The following TLN2 variants were observed in gnomAD, a reference collection of about 807,000 sequenced individuals.
TLN2 encodes the protein talin 2.
In TLN2, 118 loss-of-function variants were observed where a neutral mutation model predicts 294.7. The ratio of observed to expected loss-of-function variants is 0.40; its 90% CI spans 0.34 to 0.47. TLN2 has a LOEUF of 0.47. Ranked by LOEUF, TLN2 falls within the 20% of genes least tolerant of loss-of-function variation. The pLI, the probability that TLN2 is intolerant of heterozygous loss-of-function variation, is 0.84. For synonymous variants in TLN2, 1,431 were observed against 1,304.5 expected (o/e 1.10, Z -2.09); for missense variants, 3,083 against 3,282.2 (o/e 0.94, Z 1.48).
rs781390797 is a variant in TLN2 at position 62,819,571 on chromosome 15, G to T, written c.6827G>T (p.Arg2276Leu). The change falls in exon 53 of 59, where the codon CGA becomes CTA. Residue 2276 changes from arginine to leucine, a missense_variant. By Grantham distance (102) the Arg-to-Leu change is moderately radical. Coordinates refer to ENST00000636159, the MANE Select transcript of TLN2 (RefSeq NM_015059.3). ...FKQQLAAFSKRVAGAVTELIQ... is the reference protein window; with the variant it reads ...FKQQLAAFSKLVAGAVTELIQ... ...CAGCAGCTGGCCGCTTTCTCCAAGC[G>T]AGTCGCCGGCGCTGTGACAGAGCTC... 1 of 1,613,558 alleles carries T rather than the reference G, an allele frequency of 6.2e-7. No individual in the cohort carries two copies. Among genetic ancestry groups the T allele is most frequent in the East Asian group, 2.2e-5 (1 of 44,876 alleles).
At chr15:62,595,156 C>G (rs1413976375) in intron 2 of TLN2, among the ~76,000 whole-genome samples, 1 of 152,186 alleles carries the variant, frequency 6.6e-6, no homozygotes, top group East Asian at 1.9e-4. Flanking sequence ...GGTGCGGTGG[C>G]TCACGCCTGT....
chr15:62,564,917 A>ATATATAT (rs1262371986), intron 1 of TLN2, among the ~76,000 whole-genome samples: 16 of 124,704 alleles, frequency 1.3e-4, no homozygotes, highest in African/African-American at 4.3e-4. Flanking sequence ...AAAAAAAAAA[A>ATATATAT]AAAAAAAAAT....
chr15:62,764,215 C>T (rs572588665), intron 40 of TLN2, among the ~76,000 whole-genome samples: 11 of 152,130 alleles, frequency 7.2e-5, no homozygotes, highest in Non-Finnish European at 1.6e-4. Context: ...AGCCACTTTG[C>T]CCTTTCTTGC....
At chr15:62,494,674 A>T (rs1385115279) in intron 1 of TLN2, among the ~76,000 whole-genome samples, 2 of 152,060 alleles carry the variant, frequency 1.3e-5, no homozygotes, top group Admixed American at 1.3e-4. Flanking sequence ...TCATAGGCTT[A>T]TGTCTCTTTC....
At chr15:62,532,959 CAT>C (rs1031491853) in intron 1 of TLN2, among the ~76,000 whole-genome samples, 41 of 152,108 alleles carry the variant, frequency 2.7e-4, no homozygotes, top group African/African-American at 9.6e-4. Flanking sequence ...GGTTGTTAAA[CAT>C]GTGGATTCTA....
chr15:62,408,101 G>T (rs180706118), intron 1 of TLN2, among the ~76,000 whole-genome samples: 1 of 152,148 alleles, frequency 6.6e-6, no homozygotes, highest in East Asian at 1.9e-4. Context: ...TTGTCCCTCC[G>T]TTAGTGGAAA....
intron 14 of TLN2, among the ~76,000 whole-genome samples, chr15:62,696,944 G>C (rs1282296673): frequency 6.6e-6 from 1 of 152,126 alleles, no homozygotes; most frequent in Non-Finnish European, 1.5e-5. Flanking sequence ...TCAAGCTAAA[G>C]ATAAATGATC....
At chr15:62,606,705 A>G (rs377185810) in intron 2 of TLN2, among the ~76,000 whole-genome samples, 5 of 152,208 alleles carry the variant, frequency 3.3e-5, no homozygotes, top group East Asian at 1.9e-4. Flanking sequence ...ACTGGGAACA[A>G]TACTTCAAAT....
In TLN2 at chr15:62,437,775, C is replaced by G. The variant is rs201931919; in HGVS notation, c.-238+47090C>G. Among the ~76,000 whole-genome samples, 116 of 130,208 alleles carry G rather than the reference C, an allele frequency of 8.9e-4. 1 individual carries two copies. The highest frequency in any genetic ancestry group is 2.7e-3 in the East Asian group (13 of 4,766). The allele number at this position is 130,208 out of a possible 152,430, so 85.4% of individuals were successfully genotyped here. Reference sequence around the variant, plus strand: ...GGGGTGTGTGTGTGTGTGTGTGTGTCTGTCTGTCTGTCTGCCAATTGGTGC... The same window carrying G: ...GGGGTGTGTGTGTGTGTGTGTGTGTGTGTCTGTCTGTCTGCCAATTGGTGC... On this transcript the variant is annotated intron_variant, in intron 1 of 58. Coordinates refer to ENST00000636159, the MANE Select transcript of TLN2 (RefSeq NM_015059.3).
intron 1 of TLN2, among the ~76,000 whole-genome samples, chr15:62,460,068 C>T (rs1041145807): frequency 2.0e-5 from 3 of 152,158 alleles, no homozygotes; most frequent in Non-Finnish European, 4.4e-5. Flanking sequence ...TGCCGAGGTG[C>T]TGCATCAGCC....
chr15:62,444,187 A>G (rs2035697557), intron 1 of TLN2, among the ~76,000 whole-genome samples: 1 of 152,170 alleles, frequency 6.6e-6, no homozygotes, highest in Non-Finnish European at 1.5e-5. Context: ...GGAAATATTG[A>G]GGAGGAGGGT....
At chr15:62,734,818 G>T (rs982481999) in intron 28 of TLN2, among the ~76,000 whole-genome samples, 1 of 152,174 alleles carries the variant, frequency 6.6e-6, no homozygotes, top group Non-Finnish European at 1.5e-5. Context: ...AACCCATCTG[G>T]TTTTATGGAT....
chr15:62,745,898 T>C lies in TLN2; in HGVS notation c.4026-2453T>C, dbSNP rs78476590. On this transcript the variant is annotated intron_variant, in intron 32 of 58. Transcript: ENST00000636159. The stretch of plus-strand genomic sequence containing the variant: ...ATTCGTGATAGCTAAATAATGCTTC[T>C]TAGTTCTGGATCAGTATTACCCAAG... 7.6e-3 allele frequency among the ~76,000 whole-genome samples: 1,157 copies of C among 152,358 alleles called. 21 individuals are homozygous for C. Among genetic ancestry groups the C allele is most frequent in the African/African-American group, 0.026 (1,097 of 41,578 alleles).
intron 9 of TLN2, among the ~76,000 whole-genome samples, chr15:62,659,542 G>T (rs1217318053): frequency 6.6e-6 from 1 of 152,194 alleles, no homozygotes; most frequent in African/African-American, 2.4e-5. Context: ...ATTAGGTCCT[G>T]CAGTTTGTGG....
intron 40 of TLN2, among the ~76,000 whole-genome samples, chr15:62,764,334 C>G (rs1229740106): frequency 6.6e-6 from 1 of 152,096 alleles, no homozygotes; most frequent in East Asian, 1.9e-4. Context: ...ACCGAAAGCA[C>G]AATGCTTGAC....
At chr15:62,570,448 G>A (rs117198001) in intron 1 of TLN2, among the ~76,000 whole-genome samples, 247 of 152,350 alleles carry the variant, frequency 1.6e-3, no homozygotes, top group Non-Finnish European at 2.7e-3. Context: ...CCCACATCTG[G>A]TTAAGAAATA....
At chr15:62,455,879 C>T (rs2036449439) in intron 1 of TLN2, among the ~76,000 whole-genome samples, 1 of 152,228 alleles carries the variant, frequency 6.6e-6, no homozygotes, top group Non-Finnish European at 1.5e-5. Flanking sequence ...CACCTGTTCC[C>T]TGTGCCTGAG....
intron 9 of TLN2, among the ~76,000 whole-genome samples, chr15:62,660,936 G>C (rs890306735): frequency 1.3e-5 from 2 of 152,154 alleles, no homozygotes; most frequent in South Asian, 4.1e-4. Flanking sequence ...TTTAAGTGCA[G>C]GATGGTCTAT....
At chr15:62,575,338 A>C (rs889642101) in intron 1 of TLN2, among the ~76,000 whole-genome samples, 1 of 152,198 alleles carries the variant, frequency 6.6e-6, no homozygotes, top group Non-Finnish European at 1.5e-5. Context: ...AACAAACAAA[A>C]AAATTATTTT....
Sources: allele counts gnomAD v4.1 joint callset (sites outside exome capture counted in the v4.1 genomes callset), GRCh38; gene constraint gnomAD v4.1.1; transcripts MANE v1.5; gene names NCBI Gene and HGNC (gene_info 2026-07-23, HGNC 2026-07-21).